ZEB2: variants seen among roughly 807,000 people sequenced by gnomAD.
ZEB2 encodes zinc finger E-box binding homeobox 2.
A neutral mutation model predicts 99.9 loss-of-function variants in ZEB2; 6 were observed. The ratio of observed to expected loss-of-function variants is 0.06; its 90% CI spans 0.03 to 0.12. The LOEUF is 0.12. ZEB2 is among the 10% of genes least tolerant of loss of function. The pLI is 1.00. For synonymous variants in ZEB2, 517 were observed against 542.5 expected (o/e 0.95, Z 0.65); for missense variants, 969 against 1,502.8 (o/e 0.64, Z 5.87).
chr2:144,478,895 GT>G (rs1343407736), intron 2 of ZEB2, among the ~76,000 whole-genome samples: 1 of 152,136 alleles, frequency 6.6e-6, no homozygotes, highest in Non-Finnish European at 1.5e-5. Flanking sequence ...GTTAGCCCAT[GT>G]TTTTATGAAA....
chr2:144,453,732 G>C (rs1704084183), intron 2 of ZEB2, among the ~76,000 whole-genome samples: 2 of 152,168 alleles, frequency 1.3e-5, no homozygotes, highest in Admixed American at 1.3e-4. Flanking sequence ...AAGCAAGGAG[G>C]AAGGGCAATC....
chr2:144,495,063 A>G (rs1704740531), intron 2 of ZEB2: 1 of 152,248 alleles, frequency 6.6e-6, no homozygotes, highest in Admixed American at 6.5e-5. Flanking sequence ...TTTCATTTAA[A>G]TCACACAGTT....
In ZEB2 at chr2:144,387,571, A is replaced by G. The variant is rs946453175; in HGVS notation, c.*1880T>C. On this transcript the variant is annotated 3_prime_UTR_variant, in exon 10 of 10. Transcript: ENST00000627532. ...GTAAACTACTGTCTGCATTTCAAAA[A>G]GTGAGATAAACTATCCCAATCCTTT... is the stretch of plus-strand genomic sequence containing the variant. 6.6e-6 allele frequency: 1 copy of G among 152,224 alleles called. No individual in the cohort carries two copies. Among genetic ancestry groups the G allele is most frequent in the Non-Finnish European group, 1.5e-5 (1 of 68,034 alleles). 9.4% of individuals were successfully genotyped at this position (152,224 alleles called of 1,614,324 possible).
intron 2 of ZEB2, among the ~76,000 whole-genome samples, chr2:144,440,523 T>TACA (rs1703900497): frequency 1.3e-3 from 14 of 11,016 alleles, no homozygotes; most frequent in African/African-American, 2.5e-3. Flanking sequence ...ATATTTTTTT[T>TACA]TTTTTTTTTT....
At chr2:144,492,993 A>G (rs1487951734) in intron 2 of ZEB2, among the ~76,000 whole-genome samples, 1 of 152,210 alleles carries the variant, frequency 6.6e-6, no homozygotes, top group Non-Finnish European at 1.5e-5. Context: ...CAGATATTTT[A>G]AGTGCTGTGA....
intron 4 of ZEB2, among the ~76,000 whole-genome samples, chr2:144,423,015 C>T (rs964052567): frequency 2.0e-5 from 3 of 152,174 alleles, no homozygotes; most frequent in African/African-American, 7.2e-5. Flanking sequence ...ATATAGAACA[C>T]ACTCAATGAA....
chr2:144,400,449 G>A (rs1469316532), intron 7 of ZEB2, 179 bp from the exon 8 acceptor site: 1 of 712,664 alleles, frequency 1.4e-6, no homozygotes, highest in Non-Finnish European at 2.3e-6. Flanking sequence ...TCTGCCCTGG[G>A]AGGACATAAT....
At chr2:144,397,369 G>A (rs1405591710) in intron 8 of ZEB2, among the ~76,000 whole-genome samples, 4 of 152,176 alleles carry the variant, frequency 2.6e-5, no homozygotes, top group Admixed American at 2.6e-4. Context: ...CAGATGTACT[G>A]TAAATTGGAA....
intron 2 of ZEB2, among the ~76,000 whole-genome samples, chr2:144,473,872 T>TA (rs1704394222): frequency 6.6e-6 from 1 of 152,150 alleles, no homozygotes; most frequent in African/African-American, 2.4e-5. Context: ...ACATTTTCTT[T>TA]AAAAAATAAG....
At chr2:144,414,376 A>G (rs1174173605) in intron 4 of ZEB2, among the ~76,000 whole-genome samples, 1 of 152,166 alleles carries the variant, frequency 6.6e-6, no homozygotes, top group East Asian at 1.9e-4. Context: ...CAAGACAGCA[A>G]CTGCAGAGCC....
intron 2 of ZEB2, among the ~76,000 whole-genome samples, chr2:144,449,192 G>A (rs1400426867): frequency 6.6e-6 from 1 of 152,180 alleles, no homozygotes; most frequent in Admixed American, 6.5e-5. Flanking sequence ...AGAGAAACCT[G>A]AGAATGAACT....
intron 2 of ZEB2, among the ~76,000 whole-genome samples, chr2:144,446,100 T>G (rs983204288): frequency 2.0e-5 from 3 of 151,862 alleles, no homozygotes; most frequent in Admixed American, 2.0e-4. Context: ...ATTCTAACCT[T>G]CATAAGGCAG....
At position 144,498,425 on chromosome 2, in the gene ZEB2, T is replaced by C. The variant is rs147339466; in HGVS notation, c.73+18853A>G. ...CCAAGCCCCATGTGGTTGCGGATCT[T>C]ATGTTCACAGGTCCTGAAGGAAATC... On this transcript the variant is annotated intron_variant, in intron 2 of 9. Coordinates refer to ENST00000627532, the MANE Select transcript of ZEB2 (RefSeq NM_014795.4). 3.6e-3 allele frequency among the ~76,000 whole-genome samples: 553 copies of C among 151,836 alleles called. 2 individuals carry two copies. Among genetic ancestry groups the C allele is most frequent in the African/African-American group, 0.013 (524 of 41,376 alleles).
chr2:144,478,524 T>C (rs1309030786), intron 2 of ZEB2, among the ~76,000 whole-genome samples: 1 of 152,222 alleles, frequency 6.6e-6, no homozygotes. Flanking sequence ...CTTTAGGTTT[T>C]GTGGTGGCTA....
Position 144,387,775 on chromosome 2 carries a change from T to G in ZEB2, c.*1676A>C, listed in dbSNP as rs1703105115. 6.6e-6 allele frequency: 1 copy of G among 152,148 alleles called. No homozygotes were observed. The highest frequency in any genetic ancestry group is 2.1e-4 in the South Asian group (1 of 4,830). 9.4% of individuals were successfully genotyped at this position (152,148 alleles called of 1,614,324 possible). A position where few individuals can be genotyped will look rare whatever the true frequency, so the allele number is the denominator to read the frequency against. ...GTAAAGTAAATAGACTAAATTTGAA[T>G]AATATAACCTCACATAAAAATACAC... On this transcript the variant is annotated 3_prime_UTR_variant, in exon 10 of 10. Coordinates refer to ENST00000627532, the MANE Select transcript of ZEB2 (RefSeq NM_014795.4).
chr2:144,512,037 C>G (rs1398417319), intron 2 of ZEB2: 19 of 1,287,106 alleles, frequency 1.5e-5, no homozygotes, highest in Non-Finnish European at 1.9e-5. Flanking sequence ...AAAAAGGTGT[C>G]TGACTTGGCC....
chr2:144,473,709 A>G (rs1194447735), intron 2 of ZEB2, among the ~76,000 whole-genome samples: 1 of 152,178 alleles, frequency 6.6e-6, no homozygotes, highest in Non-Finnish European at 1.5e-5. Context: ...GGGTTGTTAC[A>G]GAGGTGCAGG....
chr2:144,467,396 T>C (rs893762723), intron 2 of ZEB2, among the ~76,000 whole-genome samples: 8 of 152,152 alleles, frequency 5.3e-5, no homozygotes, highest in African/African-American at 1.9e-4. Flanking sequence ...TCTTCACTTA[T>C]AGCAATGATT....
At chr2:144,479,903 A>T (rs768908637) in intron 2 of ZEB2, among the ~76,000 whole-genome samples, 5 of 152,084 alleles carry the variant, frequency 3.3e-5, no homozygotes, top group Admixed American at 2.6e-4. Flanking sequence ...AAGACGATGC[A>T]CAAGCCCCGG....
Sources: allele counts gnomAD v4.1 joint callset (sites outside exome capture counted in the v4.1 genomes callset), GRCh38; gene constraint gnomAD v4.1.1; transcripts MANE v1.5; gene names NCBI Gene and HGNC (gene_info 2026-07-23, HGNC 2026-07-21).